GMDS: variants seen among roughly 807,000 people sequenced by gnomAD.
GMDS encodes GDP-mannose 4,6-dehydratase.
Under a neutral mutation model 49.9 loss-of-function variants are expected in GMDS, and 20 were observed. The ratio of observed to expected loss-of-function variants is 0.40; its 90% CI spans 0.28 to 0.58. The LOEUF (loss-of-function observed/expected upper bound fraction) is 0.58. Among genes scored for constraint, GMDS ranks in the 20% least tolerant of loss-of-function variants. The pLI is 0.42. For missense variants in GMDS, 362 were observed against 481.4 expected (o/e 0.75, Z 2.32); for synonymous variants, 177 against 178.6 (o/e 0.99, Z 0.07).
At chr6:1,744,962 C>T (rs927714043) in intron 7 of GMDS, among the ~76,000 whole-genome samples, 3 of 150,698 alleles carry the variant, frequency 2.0e-5, no homozygotes, top group African/African-American at 7.3e-5. Flanking sequence ...CGAGTGTACC[C>T]GTGGACACAC....
At chr6:1,698,571 A>ATGGCCG (rs142363097) in intron 9 of GMDS, among the ~76,000 whole-genome samples, 6,585 of 152,252 alleles carry the variant, frequency 0.043, 143 homozygotes, top group South Asian at 0.069. Context: ...AGGAAATGAG[A>ATGGCCG]TGGCCGGGAG....
chr6:1,730,479 C>T (rs924827327), intron 8 of GMDS, among the ~76,000 whole-genome samples: 1 of 152,160 alleles, frequency 6.6e-6, no homozygotes, highest in East Asian at 1.9e-4. Flanking sequence ...TGCAAATCTC[C>T]ATAGGCAGCA....
At chr6:1,965,096 C>T (rs1160011346) in intron 4 of GMDS, among the ~76,000 whole-genome samples, 1 of 150,660 alleles carries the variant, frequency 6.6e-6, no homozygotes, top group African/African-American at 2.4e-5. Context: ...GGGTTAGTTC[C>T]AGGTCTTTGC....
chr6:1,917,169 C>T (rs1472960117), intron 7 of GMDS, among the ~76,000 whole-genome samples: 4 of 152,012 alleles, frequency 2.6e-5, no homozygotes, highest in East Asian at 1.9e-4. Context: ...TAATACCTAG[C>T]GAGAGGAATA....
intron 6 of GMDS, among the ~76,000 whole-genome samples, chr6:1,950,863 T>C (rs940392339): frequency 1.3e-5 from 2 of 151,930 alleles, no homozygotes; most frequent in South Asian, 2.1e-4. Flanking sequence ...GCGTTTGTTA[T>C]AGAGCCATCC....
At chr6:2,177,247 T>C (rs149512307) in intron 1 of GMDS, among the ~76,000 whole-genome samples, 332 of 152,162 alleles carry the variant, frequency 2.2e-3, no homozygotes, top group Non-Finnish European at 3.8e-3. Context: ...AGCAGATGGG[T>C]CTGCAGTACG....
At chr6:2,129,503 G>A (rs756844531) in intron 1 of GMDS, among the ~76,000 whole-genome samples, 12 of 152,104 alleles carry the variant, frequency 7.9e-5, no homozygotes, top group Non-Finnish European at 1.3e-4. Context: ...AACAGGATAC[G>A]GTCATGGTAC....
chr6:1,635,501 A>G lies in GMDS; in HGVS notation c.988-10961T>C, dbSNP rs1257730113. Among the ~76,000 whole-genome samples the G allele has an allele frequency of 3.9e-5, 6 of 152,148 alleles. No individual in the cohort carries two copies. The highest frequency in any genetic ancestry group is 3.9e-4 in the Admixed American group (6 of 15,276). ...CACCAAACATCTAGAAAATCATAAC[A>G]TCCTTTCAGGAAAATGCAGTGGAAA... On this transcript the variant is annotated intron_variant, in intron 9 of 10. Coordinates refer to ENST00000380815, the MANE Select transcript of GMDS (RefSeq NM_001500.4). This position sits in a 1 kb window ranked among gnomAD's most constrained non-coding sequence, Gnocchi z 4.7.
intron 6 of GMDS, among the ~76,000 whole-genome samples, chr6:1,953,295 C>A (rs572438315): frequency 6.6e-6 from 1 of 152,128 alleles, no homozygotes; most frequent in African/African-American, 2.4e-5. Context: ...TACACTCATA[C>A]TGAAAACTGA....
intron 2 of GMDS, among the ~76,000 whole-genome samples, chr6:2,124,427 G>A (rs1775306361): frequency 6.6e-6 from 1 of 152,206 alleles, no homozygotes; most frequent in Admixed American, 6.5e-5. Flanking sequence ...ACAGGCTGCT[G>A]CGTTATCGGA....
chr6:1,969,288 A>AG lies in GMDS; in HGVS notation c.346-8323_346-8322insC, dbSNP rs1399458442. Among the ~76,000 whole-genome samples the AG allele has an allele frequency of 2.7e-5, 4 of 147,630 alleles. 1 individual carries two copies. The highest frequency in any genetic ancestry group is 9.9e-5 in the African/African-American group (4 of 40,260). On this transcript the variant is annotated intron_variant, in intron 4 of 10. Transcript: ENST00000380815. Reference sequence around the variant, plus strand: ...AAAAAAAAAAAAAAAAAAAAAAAAAAAAGAGAAAGAAAGAAAAAAAGAAAT... The same window carrying AG: ...AAAAAAAAAAAAAAAAAAAAAAAAAAGAAGAGAAAGAAAGAAAAAAAGAAAT...
At chr6:1,853,691 A>T (rs1429951633) in intron 7 of GMDS, among the ~76,000 whole-genome samples, 3 of 152,190 alleles carry the variant, frequency 2.0e-5, no homozygotes, top group African/African-American at 7.2e-5. Context: ...TTCATAAGTT[A>T]TCCAACAGAA....
chr6:2,048,938 G>C (rs1439648454), intron 4 of GMDS, among the ~76,000 whole-genome samples: 2 of 152,134 alleles, frequency 1.3e-5, no homozygotes, highest in East Asian at 1.9e-4. Flanking sequence ...TGGGCCTTTG[G>C]GAGGTAAGCA....
chr6:1,918,420 A>AT (rs1761522500), intron 7 of GMDS, among the ~76,000 whole-genome samples: 1 of 151,988 alleles, frequency 6.6e-6, no homozygotes, highest in Non-Finnish European at 1.5e-5. Context: ...CTGCCTTTCC[A>AT]TTTTTCTATC....
In GMDS at chr6:2,114,054, A is replaced by G. The variant is rs537827907; in HGVS notation, c.345+1717T>C. Among the ~76,000 whole-genome samples, 5 of 152,296 alleles carry G rather than the reference A, an allele frequency of 3.3e-5. No individual in the cohort carries two copies. In the South Asian group the frequency reaches 6.2e-4, roughly 19 times the overall value. Reference sequence around the variant, plus strand: ...CACTATCATGATCACTACAACTAAGAAAACCAACTATAACATATTTCTGAA... The same window carrying G: ...CACTATCATGATCACTACAACTAAGGAAACCAACTATAACATATTTCTGAA... On this transcript the variant is annotated intron_variant, in intron 4 of 10. Coordinates refer to ENST00000380815, the MANE Select transcript of GMDS (RefSeq NM_001500.4).
intron 7 of GMDS, among the ~76,000 whole-genome samples, chr6:1,824,774 T>C (rs1175283081): frequency 6.6e-6 from 1 of 152,216 alleles, no homozygotes; most frequent in Non-Finnish European, 1.5e-5. Context: ...ATTAAGTACC[T>C]GGTACTTTTT....
intron 7 of GMDS, among the ~76,000 whole-genome samples, chr6:1,803,158 C>G (rs6905763): frequency 0.051 from 7,736 of 152,270 alleles, 644 homozygotes; most frequent in African/African-American, 0.18. Flanking sequence ...ATTTCATCGG[C>G]ACTGTATGTT....
intron 4 of GMDS, among the ~76,000 whole-genome samples, chr6:2,074,173 A>T (rs1359448498): frequency 1.3e-5 from 2 of 152,154 alleles, no homozygotes; most frequent in African/African-American, 4.8e-5. Context: ...ATCCTTGCCA[A>T]CATCTGCTAT....
At chr6:1,711,360 A>G (rs1001654320) in intron 9 of GMDS, among the ~76,000 whole-genome samples, 9 of 152,222 alleles carry the variant, frequency 5.9e-5, no homozygotes, top group African/African-American at 1.9e-4. Context: ...AGCTTTCTGG[A>G]TGAGTCTGAC....
Sources: allele counts gnomAD v4.1 joint callset (sites outside exome capture counted in the v4.1 genomes callset), GRCh38; gene constraint gnomAD v4.1.1; non-coding constraint Gnocchi (gnomAD v3.1); transcripts MANE v1.5; gene names NCBI Gene and HGNC (gene_info 2026-07-23, HGNC 2026-07-21).